Variants in DYNC1I2 observed in about 807,000 individuals in gnomAD.
DYNC1I2 encodes dynein cytoplasmic 1 intermediate chain 2, also known as cytoplasmic dynein 1 intermediate chain 2.
A neutral mutation model predicts 88.6 loss-of-function variants in DYNC1I2; 53 were observed. The observed-to-expected ratio is 0.60, with a 90% CI of 0.48 to 0.75. The LOEUF (loss-of-function observed/expected upper bound fraction) is 0.75. DYNC1I2 is among the 30% of genes least tolerant of loss of function. DYNC1I2 has a pLI of 0.00. For synonymous variants in DYNC1I2, 198 were observed against 254.6 expected (o/e 0.78, Z 2.12); for missense variants, 458 against 766.6 (o/e 0.60, Z 4.75).
intron 1 of DYNC1I2, 87 bp from the exon 2 acceptor site, chr2:171,690,060 A>G (rs1270280143): frequency 2.6e-6 from 2 of 767,870 alleles, no homozygotes; most frequent in African/African-American, 1.8e-5. Flanking sequence ...ATTGAACTAT[A>G]TGGCCTTTCG....
chr2:171,705,024 C>T (rs1425520722), intron 3 of DYNC1I2, among the ~76,000 whole-genome samples: 1 of 151,936 alleles, frequency 6.6e-6, no homozygotes, highest in Non-Finnish European at 1.5e-5. Flanking sequence ...TTGGCTTGAA[C>T]CTATATTTGG....
intron 3 of DYNC1I2, among the ~76,000 whole-genome samples, chr2:171,700,879 A>C (rs1337620953): frequency 1.3e-5 from 2 of 151,800 alleles, no homozygotes; most frequent in Non-Finnish European, 2.9e-5. Flanking sequence ...GATCCACCCT[A>C]CTCAGCCTCC....
intron 15 of DYNC1I2, among the ~76,000 whole-genome samples, chr2:171,731,816 AAATG>A (rs1450651118): frequency 1.3e-5 from 2 of 152,216 alleles, no homozygotes; most frequent in African/African-American, 2.4e-5. Context: ...GCAAGTTGGA[AAATG>A]AATGAATGAA....
chr2:171,701,800 T>G (rs975802747), intron 3 of DYNC1I2, among the ~76,000 whole-genome samples: 3 of 152,154 alleles, frequency 2.0e-5, no homozygotes, highest in Non-Finnish European at 4.4e-5. Flanking sequence ...TAATAAAAAA[T>G]TTTTTACAGA....
intron 3 of DYNC1I2, among the ~76,000 whole-genome samples, chr2:171,697,148 ACAC>A (rs1326993275): frequency 6.6e-6 from 1 of 151,788 alleles, no homozygotes; most frequent in African/African-American, 2.4e-5. Flanking sequence ...ACATAGGTGC[ACAC>A]CACCATGCCC....
At chr2:171,688,299 C>G (rs1685123006) in intron 1 of DYNC1I2, 1 of 152,266 alleles carries the variant, frequency 6.6e-6, no homozygotes, top group South Asian at 2.1e-4. Context: ...TCTAGAGACT[C>G]TCTTCTCTTG....
chr2:171,717,761 C>CTT (rs1559384289), intron 7 of DYNC1I2, among the ~76,000 whole-genome samples: 2 of 152,026 alleles, frequency 1.3e-5, no homozygotes, highest in Non-Finnish European at 2.9e-5. Flanking sequence ...ATAACCAAAA[C>CTT]GAAGGCACAG....
chr2:171,731,582 A>C (rs187233259), intron 15 of DYNC1I2, among the ~76,000 whole-genome samples: 6 of 152,252 alleles, frequency 3.9e-5, no homozygotes, highest in Non-Finnish European at 8.8e-5. Flanking sequence ...AGGAGACCCC[A>C]TGTTTACAAA....
chr2:171,728,052 T>C, intron 12 of DYNC1I2, 85 bp downstream of exon 12: 1 of 1,427,230 alleles, frequency 7.0e-7, no homozygotes, highest in Non-Finnish European at 9.3e-7. Flanking sequence ...CAGAGTCATC[T>C]CAGAATGTGC....
At chr2:171,747,207 TTATATATA>T (rs67834157) in intron 17 of DYNC1I2, among the ~76,000 whole-genome samples, 118 of 124,678 alleles carry the variant, frequency 9.5e-4, no homozygotes, top group Middle Eastern at 4.1e-3. Context: ...AAAAAAAAAA[TTATATATA>T]TATATATATA....
At chr2:171,726,641 C>A in intron 10 of DYNC1I2, 150 bp from the exon 11 acceptor site, 2 of 763,120 alleles carry the variant, frequency 2.6e-6, no homozygotes, top group Non-Finnish European at 3.9e-6. Context: ...ACTAATGTCC[C>A]AGTAGGCATA....
chr2:171,730,455 A>G (rs1688530985), intron 15 of DYNC1I2, among the ~76,000 whole-genome samples: 2 of 152,224 alleles, frequency 1.3e-5, no homozygotes, highest in Non-Finnish European at 2.9e-5. Flanking sequence ...AAACCCATTC[A>G]TGTGATAAAA....
intron 5 of DYNC1I2, 82 bp downstream of exon 5, chr2:171,707,459 A>T: frequency 8.1e-7 from 1 of 1,240,404 alleles, no homozygotes; most frequent in Non-Finnish European, 1.1e-6. Flanking sequence ...AGGGACTCTA[A>T]ATAGTTGTGT....
chr2:171,698,533 T>C (rs913311095), intron 3 of DYNC1I2, among the ~76,000 whole-genome samples: 4 of 152,046 alleles, frequency 2.6e-5, no homozygotes, highest in Non-Finnish European at 5.9e-5. Context: ...TACAGGCATG[T>C]GCTGCCACCA....
intron 15 of DYNC1I2, among the ~76,000 whole-genome samples, chr2:171,734,016 G>A (rs1456884666): frequency 6.6e-6 from 1 of 152,000 alleles, no homozygotes; most frequent in East Asian, 1.9e-4. Context: ...TCTACATATG[G>A]CTAGCCAGTT....
chr2:171,737,730 T>C (rs1049450849), intron 15 of DYNC1I2, among the ~76,000 whole-genome samples: 3 of 152,176 alleles, frequency 2.0e-5, no homozygotes, highest in African/African-American at 7.2e-5. Flanking sequence ...GTTTTTCTTT[T>C]TATTGTAATC....
intron 3 of DYNC1I2, among the ~76,000 whole-genome samples, chr2:171,697,411 T>TG (rs1358101499): frequency 5.9e-5 from 9 of 152,226 alleles, no homozygotes; most frequent in Non-Finnish European, 1.2e-4. Flanking sequence ...CCAATTGGTT[T>TG]GTAGACTGTC....
At chr2:171,721,669 C>G (rs1040812953) in intron 7 of DYNC1I2, among the ~76,000 whole-genome samples, 1 of 152,052 alleles carries the variant, frequency 6.6e-6, no homozygotes, top group Admixed American at 6.5e-5. Context: ...AGCAAATGTC[C>G]TGACTTTTAG....
At chr2:171,733,427 A>ATT (rs1688760882) in intron 15 of DYNC1I2, among the ~76,000 whole-genome samples, 1 of 135,162 alleles carries the variant, frequency 7.4e-6, no homozygotes, top group Non-Finnish European at 1.6e-5. Flanking sequence ...CAGTGTAAAA[A>ATT]CGTTCCTTTT....
Sources: gnomAD v4.1 joint callset for allele counts (sites outside exome capture counted in the v4.1 genomes callset) on GRCh38, gnomAD v4.1.1 for gene constraint, MANE v1.5 for transcripts, NCBI Gene and HGNC (gene_info 2026-07-23, HGNC 2026-07-21) for gene names.